Variants in SORCS1 observed in about 807,000 individuals in gnomAD.
SORCS1 encodes the protein sortilin related VPS10 domain containing receptor 1, also known as VPS10 domain-containing receptor SorCS1.
SORCS1 carries 60 observed loss-of-function variants against 146.1 expected under a neutral mutation model. That is an observed-to-expected ratio of 0.41 (90% confidence interval 0.33 to 0.51). The LOEUF is 0.51. Among genes scored for constraint, SORCS1 ranks in the 20% least tolerant of loss-of-function variants. The pLI, the probability that SORCS1 is intolerant of heterozygous loss-of-function variation, is 0.21. For synonymous variants in SORCS1, 637 were observed against 584.0 expected (o/e 1.09, Z -1.31); for missense variants, 1,352 against 1,487.6 (o/e 0.91, Z 1.50).
intron 2 of SORCS1, among the ~76,000 whole-genome samples, chr10:106,871,061 C>T (rs1950390982): frequency 6.6e-6 from 1 of 152,068 alleles, no homozygotes; most frequent in African/African-American, 2.4e-5. Flanking sequence ...GGACACTTCT[C>T]AAAAGAAGAC....
In SORCS1 at chr10:106,999,600, C is replaced by T. The variant is rs1957133494; in HGVS notation, c.559-43020G>A. Reference sequence around the variant, plus strand: ...CTTCACTTTGTCAGAGGAGAAATCACTTTGAGTTGACTTACAAGACAAACT... The same window carrying T: ...CTTCACTTTGTCAGAGGAGAAATCATTTTGAGTTGACTTACAAGACAAACT... On this transcript the variant is annotated intron_variant, in intron 1 of 25. Coordinates refer to ENST00000263054, the MANE Select transcript of SORCS1 (RefSeq NM_052918.5). Among the ~76,000 whole-genome samples, 3 of 152,294 alleles carry T rather than the reference C, an allele frequency of 2.0e-5. No homozygotes were observed. In the South Asian group the frequency reaches 6.2e-4, roughly 32 times the overall value.
intron 5 of SORCS1, among the ~76,000 whole-genome samples, chr10:106,734,535 C>T (rs1337088986): frequency 1.3e-5 from 2 of 152,156 alleles, no homozygotes; most frequent in African/African-American, 4.8e-5. Flanking sequence ...CACCTGCATG[C>T]CACAGATAGA....
intron 2 of SORCS1, among the ~76,000 whole-genome samples, chr10:106,914,590 T>C (rs1394563172): frequency 6.6e-6 from 1 of 152,196 alleles, no homozygotes; most frequent in African/African-American, 2.4e-5. Flanking sequence ...GCATGGTGAC[T>C]CTGGATAAGT....
intron 1 of SORCS1, among the ~76,000 whole-genome samples, chr10:107,161,561 C>G (rs1969704635): frequency 6.6e-6 from 1 of 152,134 alleles, no homozygotes; most frequent in Admixed American, 6.5e-5. Flanking sequence ...GTTAATCTGA[C>G]CGGCATAGCC....
At chr10:106,888,735 TAA>T (rs1440843954) in intron 2 of SORCS1, among the ~76,000 whole-genome samples, 22 of 152,230 alleles carry the variant, frequency 1.4e-4, no homozygotes, top group Non-Finnish European at 3.1e-4. Flanking sequence ...AAGATAAATA[TAA>T]CCAACAGTGC....
chr10:106,775,713 T>C (rs17121480), intron 4 of SORCS1, among the ~76,000 whole-genome samples: 5,034 of 152,340 alleles, frequency 0.033, 124 homozygotes, highest in East Asian at 0.11. Flanking sequence ...AGTATTCTAG[T>C]ATTTCACCAA....
chr10:106,979,365 C>A (rs1464152206), intron 1 of SORCS1, among the ~76,000 whole-genome samples: 3 of 152,034 alleles, frequency 2.0e-5, no homozygotes, highest in African/African-American at 4.8e-5. Flanking sequence ...CTAGAGAATT[C>A]TGGTGCTACA....
intron 2 of SORCS1, among the ~76,000 whole-genome samples, chr10:106,926,645 AAACT>A (rs781046904): frequency 6.6e-6 from 1 of 152,196 alleles, no homozygotes; most frequent in Non-Finnish European, 1.5e-5. Context: ...GACAGTAAAC[AAACT>A]AGAGTATAAA....
At chr10:106,963,093 A>G (rs1197801243) in intron 1 of SORCS1, among the ~76,000 whole-genome samples, 1 of 140,598 alleles carries the variant, frequency 7.1e-6, no homozygotes, top group Non-Finnish European at 1.5e-5. Flanking sequence ...ATAAGAGAGC[A>G]GTGTTCAATG....
intron 6 of SORCS1, among the ~76,000 whole-genome samples, chr10:106,719,601 C>CG (rs1855637293): frequency 6.6e-6 from 1 of 151,904 alleles, no homozygotes; most frequent in East Asian, 1.9e-4. Flanking sequence ...TTAGTAGAGA[C>CG]GGGGTTTCAC....
At chr10:106,679,138 T>G (rs1418031514) in intron 12 of SORCS1, 118 bp downstream of exon 12, 2 of 646,728 alleles carry the variant, frequency 3.1e-6, no homozygotes, top group East Asian at 5.2e-5. Context: ...AATAAACATA[T>G]TCACAGTCAT....
chr10:107,003,758 C>A (rs1364564872), intron 1 of SORCS1, among the ~76,000 whole-genome samples: 1 of 152,106 alleles, frequency 6.6e-6, no homozygotes, highest in Non-Finnish European at 1.5e-5. Flanking sequence ...CTACCTCTGG[C>A]TCAGGACTAG....
At position 106,677,487 on chromosome 10, in the gene SORCS1, C is replaced by T. The variant is rs1439177415; in HGVS notation, c.1741-83G>A. 6.7e-6 allele frequency: 8 copies of T among 1,199,706 alleles called. No homozygotes were observed. In the East Asian group the frequency reaches 7.1e-5, roughly 11 times the overall value. 74.3% of individuals were successfully genotyped at this position (1,199,706 alleles called of 1,614,324 possible). ...CAGAGAATCAGTCTTCACATGAGAA[C>T]AAAAATCCTTCCCATGATAAAAATA... is the stretch of plus-strand genomic sequence containing the variant. On this transcript the variant is annotated intron_variant, in intron 12 of 25. Transcript: ENST00000263054.
At chr10:106,954,828 G>A (rs894404943) in intron 2 of SORCS1, among the ~76,000 whole-genome samples, 7 of 152,088 alleles carry the variant, frequency 4.6e-5, no homozygotes, top group African/African-American at 1.2e-4. Context: ...GGGACTACCC[G>A]CCTTCTGGTA....
intron 4 of SORCS1, among the ~76,000 whole-genome samples, chr10:106,766,680 A>G (rs1263346001): frequency 1.3e-5 from 2 of 152,228 alleles, no homozygotes. Context: ...TGAAAGAGCC[A>G]TGATGCCCAA....
At chr10:107,024,648 G>A (rs188748733) in intron 1 of SORCS1, among the ~76,000 whole-genome samples, 97 of 152,148 alleles carry the variant, frequency 6.4e-4, no homozygotes, top group Non-Finnish European at 1.1e-3. Flanking sequence ...AGCATAATGA[G>A]CACAAAAGTA....
intron 1 of SORCS1, among the ~76,000 whole-genome samples, chr10:107,055,786 T>C (rs926683846): frequency 2.3e-4 from 35 of 151,900 alleles, no homozygotes; most frequent in African/African-American, 8.5e-4. Flanking sequence ...GAGATCAGGA[T>C]ATACCAGGCA....
chr10:106,951,513 G>GAAAAA (rs367987734), intron 2 of SORCS1, among the ~76,000 whole-genome samples: 1 of 113,986 alleles, frequency 8.8e-6, no homozygotes, highest in African/African-American at 3.6e-5. Flanking sequence ...CTCCGTCTCT[G>GAAAAA]AAAAAAAAAA....
intron 2 of SORCS1, among the ~76,000 whole-genome samples, chr10:106,915,541 C>G (rs1168164235): frequency 1.3e-5 from 2 of 152,160 alleles, no homozygotes; most frequent in Non-Finnish European, 2.9e-5. Context: ...TCTCATTTCA[C>G]ACCCCACTCT....
Sources: gnomAD v4.1 joint callset for allele counts (sites outside exome capture counted in the v4.1 genomes callset) on GRCh38, gnomAD v4.1.1 for gene constraint, MANE v1.5 for transcripts, NCBI Gene and HGNC (gene_info 2026-07-23, HGNC 2026-07-21) for gene names.